The following DTWD2 variants were observed in gnomAD, a reference collection of about 807,000 sequenced individuals.
DTWD2 encodes tRNA-uridine aminocarboxypropyltransferase 2.
DTWD2 carries 39 observed loss-of-function variants against 31.8 expected under a neutral mutation model. That is an observed-to-expected ratio of 1.22 (90% CI 0.95 to 1.60). The LOEUF (loss-of-function observed/expected upper bound fraction) is 1.60, where lower values mean the gene tolerates loss of function less well. Among genes scored for constraint, DTWD2 ranks in the 40% most tolerant of loss-of-function variants. DTWD2 has a pLI of 0.00. For synonymous variants in DTWD2, 180 were observed against 142.8 expected (o/e 1.26, Z -1.86); for missense variants, 515 against 381.5 (o/e 1.35, Z -2.92).
chr5:118,935,753 A>C (rs1754031389), intron 3 of DTWD2, among the ~76,000 whole-genome samples: 1 of 152,232 alleles, frequency 6.6e-6, no homozygotes, highest in South Asian at 2.1e-4. Context: ...ACAGGAACCA[A>C]AAGAACAAAA....
At chr5:118,874,928 A>T (rs186038613) in intron 4 of DTWD2, among the ~76,000 whole-genome samples, 1 of 152,284 alleles carries the variant, frequency 6.6e-6, no homozygotes, top group Admixed American at 6.5e-5. Context: ...CTCCAAGATC[A>T]AAATTAAAGA....
At chr5:118,916,355 T>C (rs935506783) in intron 4 of DTWD2, among the ~76,000 whole-genome samples, 5 of 152,160 alleles carry the variant, frequency 3.3e-5, no homozygotes, top group African/African-American at 1.2e-4. Context: ...TGATTTATAA[T>C]ACATCACTAG....
At chr5:118,950,392 G>A (rs1004315283) in intron 1 of DTWD2, among the ~76,000 whole-genome samples, 2 of 152,024 alleles carry the variant, frequency 1.3e-5, no homozygotes, top group African/African-American at 2.4e-5. Context: ...AGAAGGGGAC[G>A]GCCTTACCCT....
intron 4 of DTWD2, among the ~76,000 whole-genome samples, chr5:118,873,465 G>A (rs1752552609): frequency 6.6e-6 from 1 of 152,200 alleles, no homozygotes; most frequent in Non-Finnish European, 1.5e-5. Context: ...GAGAGCTTCA[G>A]CAGGGCGGCT....
intron 4 of DTWD2, among the ~76,000 whole-genome samples, chr5:118,879,995 C>T (rs769699012): frequency 1.3e-5 from 2 of 152,146 alleles, no homozygotes; most frequent in Non-Finnish European, 2.9e-5. Flanking sequence ...ATCTGCAAAG[C>T]GCGATAGAGT....
At chr5:118,971,690 A>G (rs1411930396) in intron 1 of DTWD2, among the ~76,000 whole-genome samples, 1 of 152,168 alleles carries the variant, frequency 6.6e-6, no homozygotes, top group African/African-American at 2.4e-5. Flanking sequence ...TTTTTCTCCT[A>G]GACACATGGC....
intron 5 of DTWD2, among the ~76,000 whole-genome samples, chr5:118,845,603 C>T (rs1193522459): frequency 6.6e-6 from 1 of 152,082 alleles, no homozygotes; most frequent in African/African-American, 2.4e-5. Context: ...GTCAAATATC[C>T]TTTTTCTACT....
chr5:118,861,919 G>C (rs1410249086), intron 4 of DTWD2, among the ~76,000 whole-genome samples: 1 of 152,176 alleles, frequency 6.6e-6, no homozygotes, highest in Non-Finnish European at 1.5e-5. Flanking sequence ...ATATGGAGAA[G>C]CAAGTTCCAG....
intron 1 of DTWD2, among the ~76,000 whole-genome samples, chr5:118,983,084 C>G (rs1308339812): frequency 6.6e-6 from 1 of 152,126 alleles, no homozygotes; most frequent in Non-Finnish European, 1.5e-5. Flanking sequence ...ACTTTTCCCA[C>G]CAAATTTGAA....
At chr5:118,951,104 G>A (rs929603810) in intron 1 of DTWD2, among the ~76,000 whole-genome samples, 2 of 152,176 alleles carry the variant, frequency 1.3e-5, no homozygotes, top group South Asian at 2.1e-4. Context: ...AAAGAAAAAG[G>A]AGCAATAACC....
intron 1 of DTWD2, among the ~76,000 whole-genome samples, chr5:118,964,729 C>T (rs548665100): frequency 3.9e-5 from 6 of 152,260 alleles, no homozygotes; most frequent in Non-Finnish European, 7.3e-5. Flanking sequence ...GATGGAGTCT[C>T]GTTCACTCAG....
intron 1 of DTWD2, among the ~76,000 whole-genome samples, chr5:118,946,848 C>G (rs956529829): frequency 6.6e-6 from 1 of 152,166 alleles, no homozygotes; most frequent in Non-Finnish European, 1.5e-5. Flanking sequence ...TCAATCGATT[C>G]TCGTGTCTCA....
chr5:118,939,350 A>G (rs1754128768), intron 2 of DTWD2, 60 bp from the exon 3 acceptor site: 4 of 1,332,336 alleles, frequency 3.0e-6, no homozygotes, highest in Non-Finnish European at 4.0e-6. Flanking sequence ...ACTTTTAAAT[A>G]TTTTATAATG....
intron 1 of DTWD2, among the ~76,000 whole-genome samples, chr5:118,947,304 T>C (rs1265164113): frequency 1.3e-5 from 2 of 152,142 alleles, no homozygotes; most frequent in Non-Finnish European, 2.9e-5. Flanking sequence ...CGGCGTCCAG[T>C]AAAAATCAGG....
intron 4 of DTWD2, among the ~76,000 whole-genome samples, chr5:118,858,905 T>C (rs755540428): frequency 6.6e-6 from 1 of 152,224 alleles, no homozygotes; most frequent in Non-Finnish European, 1.5e-5. Context: ...AAGCCTCCTT[T>C]ATACCATCCA....
rs1436817611 is a variant in DTWD2, at chr5:118,925,117, TG to T, written c.597+3419del. ...AAAACCTCAGAAGTCAGGGTTCCATTGTTATTCTTCACTAAGTGTATGGCTT... is the reference window on the plus strand; with the variant it reads ...AAAACCTCAGAAGTCAGGGTTCCATTTTATTCTTCACTAAGTGTATGGCTT... On this transcript the variant is annotated intron_variant, in intron 4 of 5. Transcript: ENST00000510708. 2.6e-5 allele frequency among the ~76,000 whole-genome samples: 4 copies of T among 152,358 alleles called. No homozygotes were observed. The South Asian group carries it at 8.3e-4, about 32-fold the overall frequency.
intron 1 of DTWD2, among the ~76,000 whole-genome samples, chr5:118,961,655 A>G (rs948769693): frequency 7.9e-5 from 12 of 152,226 alleles, no homozygotes; most frequent in Non-Finnish European, 1.6e-4. Flanking sequence ...AGCAGGAATC[A>G]AAGATTAAAG....
At chr5:118,888,736 T>C (rs1752919380) in intron 4 of DTWD2, among the ~76,000 whole-genome samples, 1 of 152,174 alleles carries the variant, frequency 6.6e-6, no homozygotes. Flanking sequence ...TGTTTGAGAG[T>C]TTCAGTTACT....
chr5:118,852,843 G>C (rs11958124), intron 4 of DTWD2, among the ~76,000 whole-genome samples: 3,229 of 152,086 alleles, frequency 0.021, 126 homozygotes, highest in African/African-American at 0.073. Context: ...ATTGAATAAA[G>C]AAAACGTGGT....
Sources: allele counts gnomAD v4.1 joint callset (sites outside exome capture counted in the v4.1 genomes callset), GRCh38; gene constraint gnomAD v4.1.1; transcripts MANE v1.5; gene names NCBI Gene and HGNC (gene_info 2026-07-23, HGNC 2026-07-21).